Variants in ATXN7L1 observed in about 807,000 individuals in gnomAD.
ATXN7L1 encodes ataxin 7 like 1, also known as ataxin-7-like protein 1.
ATXN7L1 carries 15 observed loss-of-function variants against 70.8 expected under a neutral mutation model. The observed-to-expected ratio is 0.21, with a 90% CI of 0.14 to 0.33. The LOEUF (loss-of-function observed/expected upper bound fraction) is 0.33. Ranked by LOEUF, ATXN7L1 falls within the 10% of genes least tolerant of loss-of-function variation. The pLI is 1.00. For synonymous variants in ATXN7L1, 440 were observed against 445.1 expected (o/e 0.99, Z 0.14); for missense variants, 975 against 1,097.1 (o/e 0.89, Z 1.57).
chr7:105,605,957 T>G lies in ATXN7L1; in HGVS notation c.*1895A>C, dbSNP rs1240014253. 2.0e-5 allele frequency: 3 copies of G among 152,130 alleles called. No individual in the cohort carries two copies. The highest frequency in any genetic ancestry group is 4.4e-5 in the Non-Finnish European group (3 of 68,026). The allele number at this position is 152,130 out of a possible 1,614,324, so 9.4% of individuals were successfully genotyped here. Reference sequence around the variant, plus strand: ...TATTACAAAATTAACACTATAAAAATTTACTTTAAGAATATCTTCTAAACT... The same window carrying G: ...TATTACAAAATTAACACTATAAAAAGTTACTTTAAGAATATCTTCTAAACT... On this transcript the variant is annotated 3_prime_UTR_variant, in exon 12 of 12. Transcript: ENST00000419735.
At chr7:105,764,805 G>C (rs1371421878) in intron 3 of ATXN7L1, among the ~76,000 whole-genome samples, 1 of 151,562 alleles carries the variant, frequency 6.6e-6, no homozygotes, top group Admixed American at 6.6e-5. Context: ...TTTTTTTCCA[G>C]GAACGATCAT....
intron 4 of ATXN7L1, among the ~76,000 whole-genome samples, chr7:105,647,811 C>T (rs769828408): frequency 1.8e-4 from 28 of 152,222 alleles, no homozygotes; most frequent in Non-Finnish European, 3.5e-4. Flanking sequence ...CCAGTTGACT[C>T]ATCTCTTTGG....
chr7:105,744,220 T>C (rs516802), intron 3 of ATXN7L1, among the ~76,000 whole-genome samples: 35,056 of 152,012 alleles, frequency 0.23, 5,172 homozygotes, highest in East Asian at 0.46. Flanking sequence ...TGTGTCCTTC[T>C]ACACTACAAA....
intron 2 of ATXN7L1, among the ~76,000 whole-genome samples, chr7:105,809,245 T>TA (rs1294467690): frequency 1.3e-5 from 2 of 152,198 alleles, no homozygotes; most frequent in Admixed American, 1.3e-4. Context: ...ACATCCTTTT[T>TA]AAAAAACAAG....
intron 3 of ATXN7L1, among the ~76,000 whole-genome samples, chr7:105,745,127 T>C (rs1798436588): frequency 6.6e-6 from 1 of 152,212 alleles, no homozygotes. Context: ...GTACTCTGGT[T>C]ATGTAAGAGA....
intron 2 of ATXN7L1, among the ~76,000 whole-genome samples, chr7:105,868,724 T>C (rs193169874): frequency 1.1e-4 from 17 of 152,158 alleles, no homozygotes; most frequent in African/African-American, 4.1e-4. Flanking sequence ...CTTTTGAATT[T>C]TGTAACATGA....
At chr7:105,689,117 C>T (rs1465140392) in intron 3 of ATXN7L1, among the ~76,000 whole-genome samples, 1 of 152,134 alleles carries the variant, frequency 6.6e-6, no homozygotes, top group Non-Finnish European at 1.5e-5. Flanking sequence ...TGCCTGGGTG[C>T]CTTGGTCTTC....
intron 3 of ATXN7L1, among the ~76,000 whole-genome samples, chr7:105,721,906 A>T (rs1296339492): frequency 1.3e-5 from 2 of 152,250 alleles, no homozygotes; most frequent in African/African-American, 4.8e-5. Context: ...CCTAATTGAA[A>T]TACAATGGGG....
intron 4 of ATXN7L1, among the ~76,000 whole-genome samples, chr7:105,659,465 G>T (rs540702835): frequency 3.3e-5 from 5 of 152,330 alleles, no homozygotes; most frequent in Admixed American, 3.3e-4. Flanking sequence ...CAGAGAAAGT[G>T]TCACATGTGA....
At chr7:105,760,972 T>C (rs1800459558) in intron 3 of ATXN7L1, 2 of 202,784 alleles carry the variant, frequency 9.9e-6, no homozygotes, top group African/African-American at 2.4e-5. Context: ...TGATTTTTAC[T>C]TTTAGCTTAA....
intron 4 of ATXN7L1, among the ~76,000 whole-genome samples, chr7:105,655,696 TC>T (rs1800518314): frequency 6.6e-6 from 1 of 152,106 alleles, no homozygotes; most frequent in East Asian, 1.9e-4. Context: ...GCCCAGTTTC[TC>T]CCACAGGCAT....
intron 3 of ATXN7L1, chr7:105,760,741 A>T (rs539532346): frequency 3.1e-5 from 6 of 196,686 alleles, no homozygotes; most frequent in Non-Finnish European, 4.6e-5. Flanking sequence ...GGAAGTAATC[A>T]TTAAGATGCA....
At chr7:105,726,486 G>A (rs1008869826) in intron 3 of ATXN7L1, among the ~76,000 whole-genome samples, 1 of 152,164 alleles carries the variant, frequency 6.6e-6, no homozygotes, top group African/African-American at 2.4e-5. Flanking sequence ...ACCAGGTGTG[G>A]ACAAATTCAG....
At chr7:105,662,546 T>G (rs1049175938) in intron 4 of ATXN7L1, among the ~76,000 whole-genome samples, 1 of 152,106 alleles carries the variant, frequency 6.6e-6, no homozygotes, top group Non-Finnish European at 1.5e-5. Context: ...TTTGGGCGAG[T>G]GCTTTTTGGT....
intron 3 of ATXN7L1, among the ~76,000 whole-genome samples, chr7:105,770,282 C>A (rs1323617187): frequency 6.6e-6 from 1 of 152,188 alleles, no homozygotes; most frequent in Non-Finnish European, 1.5e-5. Context: ...GTTGTACATA[C>A]AATGCTTTAC....
intron 11 of ATXN7L1, 69 bp downstream of exon 11, chr7:105,610,460 G>T: frequency 1.5e-6 from 2 of 1,372,442 alleles, no homozygotes; most frequent in Non-Finnish European, 2.0e-6. Flanking sequence ...TGACCCCAGT[G>T]TCCAAACTCT....
intron 2 of ATXN7L1, among the ~76,000 whole-genome samples, chr7:105,803,823 T>A (rs1210323959): frequency 6.6e-6 from 1 of 152,194 alleles, no homozygotes; most frequent in East Asian, 1.9e-4. Flanking sequence ...TTCCACCCAG[T>A]TATGAACTGG....
intron 3 of ATXN7L1, among the ~76,000 whole-genome samples, chr7:105,752,076 T>C (rs914280972): frequency 6.6e-6 from 1 of 152,250 alleles, no homozygotes; most frequent in African/African-American, 2.4e-5. Flanking sequence ...GTTAAGCAGC[T>C]TCTACAAGGT....
At chr7:105,801,181 A>T (rs968036944) in intron 2 of ATXN7L1, among the ~76,000 whole-genome samples, 3 of 152,244 alleles carry the variant, frequency 2.0e-5, no homozygotes, top group Non-Finnish European at 4.4e-5. Context: ...GGGATTTAAA[A>T]AAACAGAGCA....
Sources: allele counts gnomAD v4.1 joint callset (sites outside exome capture counted in the v4.1 genomes callset), GRCh38; gene constraint gnomAD v4.1.1; transcripts MANE v1.5; gene names NCBI Gene and HGNC (gene_info 2026-07-23, HGNC 2026-07-21).